MLIP: variants seen among roughly 807,000 people sequenced by gnomAD.
MLIP encodes muscular LMNA-interacting protein.
In MLIP, 79 loss-of-function variants were observed where a neutral mutation model predicts 84.8. The ratio of observed to expected loss-of-function variants is 0.93; its 90% CI spans 0.78 to 1.12. MLIP has a LOEUF of 1.12. Among genes scored for constraint, MLIP ranks in the 50% most tolerant of loss-of-function variants. The probability of loss-of-function intolerance (pLI) is 0.00; values close to 1 mark genes in which losing one functional copy is unlikely to be tolerated. For synonymous variants in MLIP, 504 were observed against 463.0 expected (o/e 1.09, Z -1.14); for missense variants, 1,257 against 1,160.6 (o/e 1.08, Z -1.21).
At chr6:54,242,378 A>G (rs1781797966) in intron 12 of MLIP, among the ~76,000 whole-genome samples, 1 of 152,322 alleles carries the variant, frequency 6.6e-6, no homozygotes, top group East Asian at 1.9e-4. Flanking sequence ...TATTGAGAGC[A>G]TGTAAATTGG....
intron 8 of MLIP, among the ~76,000 whole-genome samples, chr6:54,165,318 C>T (rs992717343): frequency 6.6e-6 from 1 of 151,940 alleles, no homozygotes; most frequent in Non-Finnish European, 1.5e-5. Context: ...ATATTCTTCT[C>T]TTCCAATAGC....
chr6:54,089,798 G>A (rs984658080), intron 1 of MLIP, among the ~76,000 whole-genome samples: 2 of 152,050 alleles, frequency 1.3e-5, no homozygotes, highest in African/African-American at 4.8e-5. Flanking sequence ...AACTGCTGCC[G>A]ATCTTCAACA....
Position 54,137,340 on chromosome 6 carries a change from AC to A in MLIP, c.1274del (p.Pro425LeufsTer47). 6.5e-7 allele frequency: 1 copy of A among 1,535,116 alleles called. No homozygotes were observed. The highest frequency in any genetic ancestry group is 1.2e-5 in the South Asian group (1 of 84,008). On this transcript the variant is annotated frameshift_variant, in exon 4 of 14. Transcript: ENST00000502396. LOFTEE classifies it high-confidence loss of function. Reference sequence around the variant, plus strand: ...CTTCTCACTGCCATTCTCAAGTCAAACCCTTCCCACCAAAGACCCTTTTCCC... The same window carrying A: ...CTTCTCACTGCCATTCTCAAGTCAAACCTTCCCACCAAAGACCCTTTTCCC... ...LALLTAILKS[N>X]PSHQRPFSPA...
At chr6:54,179,104 T>A (rs957011792) in intron 9 of MLIP, among the ~76,000 whole-genome samples, 9 of 152,210 alleles carry the variant, frequency 5.9e-5, no homozygotes, top group Non-Finnish European at 8.8e-5. Flanking sequence ...AAGTTTGCAA[T>A]CATTATAGCC....
intron 1 of MLIP, among the ~76,000 whole-genome samples, chr6:54,021,131 T>C (rs1763477696): frequency 6.6e-6 from 1 of 152,214 alleles, no homozygotes; most frequent in African/African-American, 2.4e-5. Flanking sequence ...GAGCATTATG[T>C]TTCATGTTAA....
At chr6:54,224,129 GC>G (rs371918429) in intron 11 of MLIP, among the ~76,000 whole-genome samples, 23 of 152,058 alleles carry the variant, frequency 1.5e-4, no homozygotes, top group African/African-American at 5.5e-4. Context: ...ACGATAAATA[GC>G]TAGAAAGCAG....
In MLIP at chr6:54,138,044, T is replaced by C; in HGVS notation, c.1975T>C (p.Ser659Pro). 6.5e-7 allele frequency: 1 copy of C among 1,536,066 alleles called. No homozygotes were observed. The change falls in exon 4 of 14, where the codon TCC becomes CCC. Residue 659 changes from serine to proline, a missense_variant. Ser to Pro is a moderately conservative substitution (Grantham distance 74). Coordinates refer to ENST00000502396, the MANE Select transcript of MLIP (RefSeq NM_001281747.2). ...ADFASLPNLR[S>P]SSLPHANLPT... The stretch of plus-strand genomic sequence containing the variant: ...CTTTGCCTCTCTTCCCAACTTGAGG[T>C]CCTCCTCTCTCCCTCATGCCAATCT...
At chr6:54,131,069 G>A (rs1275456099) in intron 3 of MLIP, among the ~76,000 whole-genome samples, 1 of 152,206 alleles carries the variant, frequency 6.6e-6, no homozygotes. Context: ...ATGTAAGGGT[G>A]GAGAAGAAAT....
At chr6:54,203,930 A>G (rs1213969068) in intron 11 of MLIP, 1 of 152,196 alleles carries the variant, frequency 6.6e-6, no homozygotes, top group African/African-American at 2.4e-5. Context: ...CAGATTAGGT[A>G]CCTTTTAAGG....
intron 3 of MLIP, among the ~76,000 whole-genome samples, chr6:54,129,610 C>G (rs995695355): frequency 8.5e-5 from 13 of 152,242 alleles, no homozygotes; most frequent in Admixed American, 5.2e-4. Context: ...GCTTCTGACC[C>G]GAGAGATTTA....
chr6:54,058,027 A>C (rs1409103286), intron 1 of MLIP: 4 of 152,184 alleles, frequency 2.6e-5, no homozygotes, highest in Non-Finnish European at 1.5e-5. Flanking sequence ...AAGTTATAGT[A>C]GTCGGACTTT....
intron 5 of MLIP, among the ~76,000 whole-genome samples, chr6:54,159,193 G>A (rs1774356895): frequency 6.6e-6 from 1 of 152,038 alleles, no homozygotes; most frequent in Non-Finnish European, 1.5e-5. Context: ...GATTACAGGT[G>A]TAAGCCACTG....
chr6:54,071,655 A>C (rs1014114631), intron 1 of MLIP, among the ~76,000 whole-genome samples: 12 of 152,224 alleles, frequency 7.9e-5, no homozygotes, highest in African/African-American at 2.9e-4. Context: ...GATAGCAGAA[A>C]CATTAAGTAA....
chr6:54,072,186 T>TG (rs1478105262), intron 1 of MLIP, among the ~76,000 whole-genome samples: 1 of 152,180 alleles, frequency 6.6e-6, no homozygotes, highest in Non-Finnish European at 1.5e-5. Context: ...CATGAGGAAC[T>TG]GACTCACCAA....
chr6:54,101,694 T>C (rs554826), intron 1 of MLIP, among the ~76,000 whole-genome samples: 149,746 of 152,212 alleles, frequency 0.98, 73,714 homozygotes, highest in East Asian at 1. Flanking sequence ...CTTATGGTAA[T>C]CATATGTAGC....
chr6:54,157,850 AAATAG>A (rs1774195687), intron 5 of MLIP, among the ~76,000 whole-genome samples: 2 of 152,156 alleles, frequency 1.3e-5, no homozygotes, highest in East Asian at 3.9e-4. Context: ...AGAAAGCACA[AAATAG>A]ATTTTTGTTA....
chr6:54,083,327 A>G (rs747714103), intron 1 of MLIP: 12 of 661,502 alleles, frequency 1.8e-5, no homozygotes, highest in Non-Finnish European at 2.3e-5. Context: ...GAACACTGCT[A>G]AGGTCAAGAT....
intron 1 of MLIP, among the ~76,000 whole-genome samples, chr6:54,074,854 A>C (rs1766700544): frequency 6.6e-6 from 1 of 152,200 alleles, no homozygotes; most frequent in African/African-American, 2.4e-5. Flanking sequence ...GGTACACTGA[A>C]AGCAGTCAAT....
intron 1 of MLIP, among the ~76,000 whole-genome samples, chr6:54,092,470 T>C (rs1767930525): frequency 1.3e-5 from 2 of 152,140 alleles, no homozygotes; most frequent in Non-Finnish European, 2.9e-5. Flanking sequence ...GTTTTATTCA[T>C]AGATAGGCAA....
Sources: gnomAD v4.1 joint callset for allele counts (sites outside exome capture counted in the v4.1 genomes callset) on GRCh38, gnomAD v4.1.1 for gene constraint, MANE v1.5 for transcripts, NCBI Gene and HGNC (gene_info 2026-07-23, HGNC 2026-07-21) for gene names.